SRSF5: variants seen among roughly 807,000 people sequenced by gnomAD.
SRSF5 encodes serine/arginine-rich splicing factor 5.
A neutral mutation model predicts 34.0 loss-of-function variants in SRSF5; 5 were observed. The observed-to-expected ratio is 0.15, with a 90% confidence interval of 0.08 to 0.31. The LOEUF (loss-of-function observed/expected upper bound fraction) is 0.31, where lower values mean the gene tolerates loss of function less well. Among genes scored for constraint, SRSF5 ranks in the 10% least tolerant of loss-of-function variants. The pLI, the probability that SRSF5 is intolerant of heterozygous loss-of-function variation, is 1.00. For missense variants in SRSF5, 223 were observed against 351.4 expected, an observed-to-expected ratio of 0.63 and a Z score of 2.92; for synonymous variants, 164 against 117.7, an observed-to-expected ratio of 1.39 and a Z score of -2.55.
intron 1 of SRSF5, chr14:69,767,831 G>C: frequency 2.7e-6 from 1 of 368,476 alleles, no homozygotes; most frequent in Non-Finnish European, 5.2e-6. Context: ...CGCACTTCTC[G>C]GCCTTTCCTA....
intron 3 of SRSF5, 45 bp downstream of exon 3, chr14:69,768,719 C>G: frequency 6.2e-7 from 1 of 1,609,856 alleles, no homozygotes; most frequent in Non-Finnish European, 8.5e-7. Context: ...ATAGAGCAGA[C>G]TGGGTCTGCT....
rs760238571 is a variant in SRSF5 at position 69,768,685 on chromosome 14, T to G, written c.197+11T>G. On this transcript the variant is annotated intron_variant, in intron 3 of 7. Coordinates refer to ENST00000557154, the MANE Select transcript of SRSF5 (RefSeq NM_001320214.2). Reference sequence around the variant, plus strand: ...ACTCTGTAGTGAAAGGTGAGATTCCTGTGTAACTAGATAACCCTGGGACAT... The same window carrying G: ...ACTCTGTAGTGAAAGGTGAGATTCCGGTGTAACTAGATAACCCTGGGACAT... 1 of 1,613,928 alleles carries G rather than the reference T, an allele frequency of 6.2e-7. No individual in the cohort carries two copies. Among genetic ancestry groups the G allele is most frequent in the Non-Finnish European group, 8.5e-7 (1 of 1,179,770 alleles).
At chr14:69,769,073 G>A in intron 4 of SRSF5, 109 bp from the exon 5 acceptor site, 1 of 1,353,452 alleles carries the variant, frequency 7.4e-7, no homozygotes, top group South Asian at 1.2e-5. Flanking sequence ...TCTATTGACG[G>A]AAGTCATTAG....
chr14:69,771,323 C>A lies in SRSF5; in HGVS notation c.681C>A (p.Ser227=), dbSNP rs1293785048. ...GCAGGAGCCGGAGCCGGAGCAAGTC[C>A]CGTTCTGTTAGTAGGTCTCCCGTGC... ...SRSRSRSRSK[S]RSVSRSPVPE... is the part of the protein sequence containing the mutation. Residue 227 remains serine, a synonymous_variant, in exon 8 of 8, where the codon TCC becomes TCA. Coordinates refer to ENST00000557154, the MANE Select transcript of SRSF5 (RefSeq NM_001320214.2). 1.2e-6 allele frequency: 2 copies of A among 1,614,100 alleles called. No homozygotes were observed.
rs1344705984 is a variant in SRSF5, at chr14:69,771,699, A to G, written c.*238A>G. On this transcript the variant is annotated 3_prime_UTR_variant, in exon 8 of 8. Transcript: ENST00000557154. ...CTGCTCACATTTTTGTGAATGTCTG[A>G]AGTATATAGTTTGTGTATATTGACA... The G allele has an allele frequency of 1.4e-5, 7 of 516,550 alleles. No individual in the cohort carries two copies. The highest frequency in any genetic ancestry group is 2.4e-5 in the Non-Finnish European group (7 of 295,166). 32.0% of individuals were successfully genotyped at this position (516,550 alleles called of 1,614,324 possible). A position where few individuals can be genotyped will look rare whatever the true frequency, so the allele number is the denominator to read the frequency against.
At chr14:69,769,743 C>T in intron 5 of SRSF5, 3 of 1,384,670 alleles carry the variant, frequency 2.2e-6, no homozygotes, top group Non-Finnish European at 2.8e-6. Context: ...TAAGTTGAGA[C>T]CTGTCTTCCT....
chr14:69,767,508 A>G, intron 1 of SRSF5: 1 of 455,814 alleles, frequency 2.2e-6, no homozygotes, highest in Non-Finnish European at 4.4e-6. Context: ...TAATGTCTTC[A>G]TCTCCTGGAC....
At chr14:69,767,849 C>A in intron 1 of SRSF5, 1 of 383,468 alleles carries the variant, frequency 2.6e-6, no homozygotes, top group Non-Finnish European at 5.0e-6. Context: ...CTAACTGCGG[C>A]AGATGGGAGG....
rs191376708 is a variant in SRSF5, at chr14:69,771,421, G to A, written c.779G>A (p.Arg260Gln). The A allele has an allele frequency of 1.0e-4, 165 of 1,614,054 alleles. 1 individual carries two copies. Among genetic ancestry groups the A allele is most frequent in the Middle Eastern group, 9.9e-4 (6 of 6,058 alleles). The part of the protein sequence containing the change: ...SPASVDRQRS[R>Q]SRSRSRSVDS... ...GCATCTGTGGATCGCCAGAGGTCCC[G>A]GTCCCGATCAAGGTCCAGATCAGTT... The change falls in exon 8 of 8, where the codon CGG (arginine) becomes CAG (glutamine). Residue 260 changes from arginine (R) to glutamine (Q), a missense_variant. Transcript: ENST00000557154.
At position 69,768,151 on chromosome 14, in the gene SRSF5, G is replaced by A; in HGVS notation, c.-6G>A. ...ACTTTCTAATAGGAAGTACTAGCCG[G>A]ACATCATGAGTGGCTGTCGGGTATT... On this transcript the variant is annotated 5_prime_UTR_variant, in exon 2 of 8. Coordinates refer to ENST00000557154, the MANE Select transcript of SRSF5 (RefSeq NM_001320214.2). 6.2e-7 allele frequency: 1 copy of A among 1,614,138 alleles called. No individual in the cohort carries two copies. Among genetic ancestry groups the A allele is most frequent in the South Asian group, 1.1e-5 (1 of 91,084 alleles).
In SRSF5 at chr14:69,771,368, T is replaced by C; in HGVS notation, c.726T>C (p.Arg242=). 1 of 1,614,126 alleles carries C rather than the reference T, an allele frequency of 6.2e-7. No individual in the cohort carries two copies. The highest frequency in any genetic ancestry group is 8.5e-7 in the Non-Finnish European group (1 of 1,180,022). The change falls in exon 8 of 8, where the codon CGT becomes CGC. Residue 242 remains arginine (R), a synonymous_variant. Transcript: ENST00000557154. ...RSPVPEKSQK[R]GSSSRSKSPA... Reference sequence around the variant, plus strand: ...CCGTGCCTGAGAAGAGCCAGAAACGTGGTTCTTCAAGTAGATCTAAGTCTC... The same window carrying C: ...CCGTGCCTGAGAAGAGCCAGAAACGCGGTTCTTCAAGTAGATCTAAGTCTC...
In SRSF5 at chr14:69,767,188, A is replaced by C. The variant is rs1882549336; in HGVS notation, c.-87A>C. On this transcript the variant is annotated 5_prime_UTR_variant, in exon 1 of 8. Transcript: ENST00000557154. The stretch of plus-strand genomic sequence containing the variant: ...ACGAGTTAAGTCCTGGTCTGCGTGG[A>C]GGTCGACGACTCCGTCGCAGACTAC... 2 of 355,742 alleles carry C rather than the reference A, an allele frequency of 5.6e-6. No homozygotes were observed. The highest frequency in any genetic ancestry group is 1.1e-5 in the Non-Finnish European group (2 of 181,090). 22.0% of individuals were successfully genotyped at this position (355,742 alleles called of 1,614,324 possible).
At chr14:69,768,360 G>C in intron 2 of SRSF5, 78 bp downstream of exon 2, 1 of 1,576,116 alleles carries the variant, frequency 6.3e-7, no homozygotes, top group Non-Finnish European at 8.7e-7. Flanking sequence ...TCTTGAGTCC[G>C]GGTGGAATAT....
intron 2 of SRSF5, 69 bp from the exon 3 acceptor site, chr14:69,768,535 C>T: frequency 4.8e-6 from 7 of 1,455,976 alleles, no homozygotes; most frequent in Non-Finnish European, 6.7e-6. Context: ...CTCCTGATTT[C>T]AGTGCTCTTA....
At position 69,767,252 on chromosome 14, in the gene SRSF5, G is replaced by T; in HGVS notation, c.-23G>T. 2.6e-6 allele frequency: 1 copy of T among 383,182 alleles called. No individual in the cohort carries two copies. The highest frequency in any genetic ancestry group is 1.9e-5 in the South Asian group (1 of 51,846). The allele number at this position is 383,182 out of a possible 1,614,324, so 23.7% of individuals were successfully genotyped here. On this transcript the variant is annotated 5_prime_UTR_variant, in exon 1 of 8. Transcript: ENST00000557154. ...TCTCAGCCGCCAAAGACCCCGTCCG[G>T]TAGGTGAGTGGCTCACTTTGAGGGC...
At chr14:69,768,004 A>T in intron 1 of SRSF5, 134 bp from the exon 2 acceptor site, 2 of 995,254 alleles carry the variant, frequency 2.0e-6, no homozygotes, top group Non-Finnish European at 2.9e-6. Context: ...TGGCCTCATT[A>T]GAGGCTCTGT....
chr14:69,769,165 C>T lies in SRSF5; in HGVS notation c.297-17C>T, dbSNP rs764618526. 6.2e-7 allele frequency: 1 copy of T among 1,614,034 alleles called. No individual in the cohort carries two copies. The highest frequency in any genetic ancestry group is 8.5e-7 in the Non-Finnish European group (1 of 1,179,924). On this transcript the variant is annotated splice_polypyrimidine_tract_variant and intron_variant, in intron 4 of 7. Transcript: ENST00000557154. ...CATTGCATTTCTTCCATTGTGAATACGAATTTTCTTCCTCAGAAATGCTCC... is the reference window on the plus strand; with the variant it reads ...CATTGCATTTCTTCCATTGTGAATATGAATTTTCTTCCTCAGAAATGCTCC...
In SRSF5 at chr14:69,767,510, C is replaced by G. The variant is rs1243140185; in HGVS notation, c.-20+255C>G. On this transcript the variant is annotated intron_variant, in intron 1 of 7. Coordinates refer to ENST00000557154, the MANE Select transcript of SRSF5 (RefSeq NM_001320214.2). ...TCCCTGCCAGTCTTAATGTCTTCAT[C>G]TCCTGGACACGTAGAATAGTGGGCC... 3 of 455,974 alleles carry G rather than the reference C, an allele frequency of 6.6e-6. No individual in the cohort carries two copies. In the East Asian group the frequency reaches 2.1e-4, roughly 32 times the overall value. 28.2% of individuals were successfully genotyped at this position (455,974 alleles called of 1,614,324 possible).
intron 5 of SRSF5, chr14:69,770,230 T>C: frequency 7.6e-7 from 1 of 1,311,850 alleles, no homozygotes; most frequent in Non-Finnish European, 9.7e-7. Flanking sequence ...TAATACTACC[T>C]TAATGTTAAA....
Sources: allele counts gnomAD v4.1 joint callset, GRCh38; gene constraint gnomAD v4.1.1; transcripts MANE v1.5; gene names NCBI Gene and HGNC (gene_info 2026-07-23, HGNC 2026-07-21).